The following PCDHGB2 variants were observed in gnomAD, a reference collection of about 807,000 sequenced individuals.
PCDHGB2 encodes protocadherin gamma-B2.
A neutral mutation model predicts 59.3 loss-of-function variants in PCDHGB2; 55 were observed. That is an observed-to-expected ratio of 0.93 (90% CI 0.75 to 1.16). The LOEUF (loss-of-function observed/expected upper bound fraction) is 1.16, where lower values mean the gene tolerates loss of function less well. PCDHGB2 is among the 50% of genes most tolerant of loss of function. The pLI is 0.00. For missense variants in PCDHGB2, 1,228 were observed against 1,198.5 expected, an observed-to-expected ratio of 1.02 and a Z score of -0.36; for synonymous variants, 516 against 512.0, an observed-to-expected ratio of 1.01 and a Z score of -0.11.
rs761483380 is a variant in PCDHGB2, at chr5:141,360,655, GACA to G, written c.523_525del (p.Asn175del). ...CTCACTACAAAGATACCACCTTAAT[GACA>G]ACGAGTACTTTGATCTCGCTGAGAA... On this transcript the variant is annotated inframe_deletion, in exon 1 of 4. Transcript: ENST00000522605. 1.3e-4 allele frequency: 212 copies of G among 1,613,970 alleles called. No homozygotes were observed. The Middle Eastern group carries it at 2.3e-3, about 18-fold the overall frequency.
intron 1 of PCDHGB2, among the ~76,000 whole-genome samples, chr5:141,468,247 C>T (rs925455907): frequency 6.7e-6 from 1 of 149,930 alleles, no homozygotes; most frequent in Non-Finnish European, 1.5e-5. Flanking sequence ...ATTGCCTGAA[C>T]CTGGGAGGCA....
At chr5:141,500,723 G>A (rs6875791) in intron 2 of PCDHGB2, among the ~76,000 whole-genome samples, 4,890 of 152,100 alleles carry the variant, frequency 0.032, 255 homozygotes, top group African/African-American at 0.11. Flanking sequence ...ATTTCCCCAT[G>A]TCTTTCAAAA....
intron 1 of PCDHGB2, among the ~76,000 whole-genome samples, chr5:141,443,787 A>C (rs957552086): frequency 3.3e-5 from 5 of 152,222 alleles, no homozygotes; most frequent in African/African-American, 1.2e-4. Flanking sequence ...AAGACAAAAA[A>C]AATGAAAAGG....
At chr5:141,427,444 G>T (rs1184893966) in intron 1 of PCDHGB2, 1 of 482,228 alleles carries the variant, frequency 2.1e-6, no homozygotes, top group South Asian at 1.5e-5. Flanking sequence ...ATAAACGAAA[G>T]AGTTCCTTTT....
chr5:141,409,106 A>T (rs1474106494), intron 1 of PCDHGB2: 1 of 1,613,930 alleles, frequency 6.2e-7, no homozygotes, highest in East Asian at 2.2e-5. Context: ...AGGTATGATT[A>T]AGAATAACCA....
At chr5:141,382,930 A>G (rs1292069137) in intron 1 of PCDHGB2, 9 of 1,583,428 alleles carry the variant, frequency 5.7e-6, no homozygotes, top group East Asian at 4.5e-5. Context: ...CGGGGACTAC[A>G]GAGGATTCTT....
chr5:141,422,166 T>G (rs370704205), intron 1 of PCDHGB2: 30 of 1,569,256 alleles, frequency 1.9e-5, no homozygotes, highest in Non-Finnish European at 2.5e-5. Flanking sequence ...TTGAAAAATA[T>G]AGATTCTATG....
At chr5:141,434,337 C>T (rs939910421) in intron 1 of PCDHGB2, among the ~76,000 whole-genome samples, 13 of 152,230 alleles carry the variant, frequency 8.5e-5, no homozygotes, top group African/African-American at 2.4e-4. Context: ...CTCTTTGTGT[C>T]GGGAACAGGC....
intron 1 of PCDHGB2, chr5:141,372,300 GAGGCCGCCCGCC>G (rs769286346): frequency 1.2e-6 from 2 of 1,613,366 alleles, no homozygotes; most frequent in Non-Finnish European, 1.7e-6. Flanking sequence ...GGGCGACAGG[GAGGCCGCCCGCC>G]AGCGCCTGCT....
Position 141,476,500 on chromosome 5 carries a change from C to A in PCDHGB2, c.2422-18307C>A. The A allele has an allele frequency of 6.2e-7, 1 of 1,613,874 alleles. No homozygotes were observed. The highest frequency in any genetic ancestry group is 8.5e-7 in the Non-Finnish European group (1 of 1,179,950). ...GCGTGGAAGTGGTGATCCAGGACAT[C>A]AACGACAACAATCCTGCTTTCCCTA... On this transcript the variant is annotated intron_variant, in intron 1 of 3. Coordinates refer to ENST00000522605, the MANE Select transcript of PCDHGB2 (RefSeq NM_018923.3). The surrounding 1 kb of genome is among the most constrained non-coding windows in gnomAD (Gnocchi z 7.6).
At chr5:141,406,859 TC>T (rs1171504234) in intron 1 of PCDHGB2, among the ~76,000 whole-genome samples, 1 of 152,252 alleles carries the variant, frequency 6.6e-6, no homozygotes, top group African/African-American at 2.4e-5. Flanking sequence ...AAGAAAATAT[TC>T]TCAGGAACTG....
intron 1 of PCDHGB2, chr5:141,410,517 C>T: frequency 6.2e-7 from 1 of 1,613,926 alleles, no homozygotes; most frequent in Non-Finnish European, 8.5e-7. Flanking sequence ...TGCAGTGTGC[C>T]CCTACATTCC....
At chr5:141,393,569 T>C (rs1227543853) in intron 1 of PCDHGB2, 1 of 1,613,918 alleles carries the variant, frequency 6.2e-7, no homozygotes, top group South Asian at 1.1e-5. Context: ...TGAAAGTCCT[T>C]GAGAACATGC....
intron 1 of PCDHGB2, chr5:141,428,279 C>A: frequency 2.7e-6 from 2 of 753,232 alleles, no homozygotes; most frequent in South Asian, 3.0e-5. Context: ...CCCTCTGATT[C>A]CCAAGCAAAG....
Position 141,382,943 on chromosome 5 carries a change from T to C in PCDHGB2, c.2421+20387T>C, listed in dbSNP as rs766692143. On this transcript the variant is annotated intron_variant, in intron 1 of 3. Coordinates refer to ENST00000522605, the MANE Select transcript of PCDHGB2 (RefSeq NM_018923.3). The stretch of plus-strand genomic sequence containing the variant: ...GGCGGGGACTACAGAGGATTCTTCC[T>C]GCTCTCCATCCTCCTGGGGACCCCC... 2.6e-5 allele frequency: 42 copies of C among 1,596,066 alleles called. No individual in the cohort carries two copies. Among genetic ancestry groups the C allele is most frequent in the Non-Finnish European group, 3.5e-5 (41 of 1,169,148 alleles).
intron 1 of PCDHGB2, chr5:141,376,225 C>T (rs1772427738): frequency 6.2e-7 from 1 of 1,614,206 alleles, no homozygotes; most frequent in Non-Finnish European, 8.5e-7. Context: ...TGCTGGCGCT[C>T]AGACTGCAGC....
chr5:141,390,199 G>A (rs753440941), intron 1 of PCDHGB2: 2 of 1,614,054 alleles, frequency 1.2e-6, no homozygotes, highest in South Asian at 2.2e-5. Context: ...GAGCAGTTGA[G>A]TTCAGGACAA....
chr5:141,491,982 T>G lies in PCDHGB2; in HGVS notation c.2422-2825T>G. On this transcript the variant is annotated intron_variant, in intron 1 of 3. Coordinates refer to ENST00000522605, the MANE Select transcript of PCDHGB2 (RefSeq NM_018923.3). This position sits in a 1 kb window ranked among gnomAD's most constrained non-coding sequence, Gnocchi z 6.9. Reference sequence around the variant, plus strand: ...AAAAGGCCGGGGCCTCCTTCGAGCTTCCGGTGAATTTCGGGCGATTTCCGC... The same window carrying G: ...AAAAGGCCGGGGCCTCCTTCGAGCTGCCGGTGAATTTCGGGCGATTTCCGC... The G allele has an allele frequency of 2.6e-6, 2 of 759,438 alleles. No homozygotes were observed. Among genetic ancestry groups the G allele is most frequent in the East Asian group, 3.2e-5 (1 of 31,728 alleles). The allele number at this position is 759,438 out of a possible 1,614,324, so 47.0% of individuals were successfully genotyped here. A position where few individuals can be genotyped will look rare whatever the true frequency, so the allele number is the denominator to read the frequency against.
In PCDHGB2 at chr5:141,477,798, A is replaced by G; in HGVS notation, c.2422-17009A>G. On this transcript the variant is annotated intron_variant, in intron 1 of 3. Transcript: ENST00000522605. The surrounding 1 kb of genome is among the most constrained non-coding windows in gnomAD (Gnocchi z 4.9). ...GTGAACATATTTGTCACTGATCGCA[A>G]TGACAATGCCCCCCAGGTCCTATAT... The G allele has an allele frequency of 6.2e-7, 1 of 1,614,140 alleles. No homozygotes were observed. The highest frequency in any genetic ancestry group is 8.5e-7 in the Non-Finnish European group (1 of 1,180,038).
Sources: gnomAD v4.1 joint callset for allele counts (sites outside exome capture counted in the v4.1 genomes callset) on GRCh38, gnomAD v4.1.1 for gene constraint, Gnocchi (gnomAD v3.1) non-coding constraint, MANE v1.5 for transcripts, NCBI Gene and HGNC (gene_info 2026-07-23, HGNC 2026-07-21) for gene names.